Variants in CUL9 observed in about 807,000 individuals in gnomAD.
CUL9 encodes the protein cullin 9, also known as cullin-9.
CUL9 carries 79 observed loss-of-function variants against 272.6 expected under a neutral mutation model. The ratio of observed to expected loss-of-function variants is 0.29; its 90% CI spans 0.24 to 0.35. The LOEUF (loss-of-function observed/expected upper bound fraction) is 0.35. Among genes scored for constraint, CUL9 ranks in the 10% least tolerant of loss-of-function variants. The probability of loss-of-function intolerance (pLI) is 1.00; values close to 1 mark genes in which losing one functional copy is unlikely to be tolerated. For missense variants in CUL9, 2,532 were observed against 3,255.6 expected (o/e 0.78, Z 5.41); for synonymous variants, 1,186 against 1,286.5 (o/e 0.92, Z 1.67).
rs1772733361 is a variant in CUL9, at chr6:43,184,473, G to T, written c.163G>T (p.Val55Leu). The change falls in exon 2 of 41, where the codon GTG becomes TTG. Residue 55 changes from valine (V) to leucine (L), a missense_variant. This residue lies in a region of CUL9 where 2,218 missense variants were observed against 2,788.6 expected (regional missense o/e 0.80). Coordinates refer to ENST00000252050, the MANE Select transcript of CUL9 (RefSeq NM_015089.4). This position sits in a 1 kb window ranked among gnomAD's most constrained non-coding sequence, Gnocchi z 4.8. Reference sequence around the variant, plus strand: ...GTGTGGGGAAGTGGGCAAAGTGGGTGTGGAAGAAGGCAAAGCAGAGCACAT... The same window carrying T: ...GTGTGGGGAAGTGGGCAAAGTGGGTTTGGAAGAAGGCAAAGCAGAGCACAT... ...LKCGEVGKVG[V>L]EEGKAEHILM... The T allele has an allele frequency of 2.5e-6, 4 of 1,613,658 alleles. No homozygotes were observed. The highest frequency in any genetic ancestry group is 3.4e-6 in the Non-Finnish European group (4 of 1,179,852).
Position 43,185,551 on chromosome 6 carries a change from G to A in CUL9, c.691G>A (p.Ala231Thr), listed in dbSNP as rs758517410. Residue 231 changes from alanine (A) to threonine (T), a missense_variant, in exon 3 of 41, where the codon GCA becomes ACA. Transcript: ENST00000252050. Reference sequence around the variant, plus strand: ...TCGCTATACATTGCTGGAGCTGTTTGCAGAAACCACATCCTCTGAAGAACA... The same window carrying A: ...TCGCTATACATTGCTGGAGCTGTTTACAGAAACCACATCCTCTGAAGAACA... The part of the protein sequence containing the change: ...DSRYTLLELF[A>T]ETTSSEEHCM... 6.2e-7 allele frequency: 1 copy of A among 1,613,880 alleles called. No homozygotes were observed. The highest frequency in any genetic ancestry group is 1.1e-5 in the South Asian group (1 of 91,088).
At chr6:43,202,958 T>A in intron 17 of CUL9, 137 bp downstream of exon 17, 1 of 1,187,836 alleles carries the variant, frequency 8.4e-7, no homozygotes, top group Non-Finnish European at 1.2e-6. Flanking sequence ...GCAGTGAGAG[T>A]GGGATTAGGG....
chr6:43,198,613 A>G lies in CUL9; in HGVS notation c.2808A>G (p.Leu936=), dbSNP rs889477308. Residue 936 remains leucine, a synonymous_variant, in exon 12 of 41, where the codon CTA becomes CTG. Transcript: ENST00000252050. ...CTCTGGTGTGTCTGGCTGCAGCACT[A>G]GAGACCCCCATCATCCAGGGTCAGG... ...EPPGSPERAA[L]ETPIIQGQDG... is the part of the protein sequence containing the mutation. 8 of 1,614,072 alleles carry G rather than the reference A, an allele frequency of 5.0e-6. No homozygotes were observed. In the Admixed American group the frequency reaches 6.7e-5, roughly 13 times the overall value.
chr6:43,197,191 C>T (rs988709930), intron 11 of CUL9, among the ~76,000 whole-genome samples: 3 of 151,020 alleles, frequency 2.0e-5, no homozygotes, highest in African/African-American at 4.9e-5. Context: ...GGATTATAGG[C>T]ACCTGCCACC....
chr6:43,204,744 A>G lies in CUL9; in HGVS notation c.4340-4A>G, dbSNP rs1418288557. On this transcript the variant is annotated splice_region_variant and splice_polypyrimidine_tract_variant and intron_variant, in intron 21 of 40. Coordinates refer to ENST00000252050, the MANE Select transcript of CUL9 (RefSeq NM_015089.4). ...ACCCCTTCCTTCTCCCTCTGTCTCT[A>G]CAGTCAGCAAGAACAGCAAGGGTCG... 4 of 1,613,780 alleles carry G rather than the reference A, an allele frequency of 2.5e-6. No individual in the cohort carries two copies. Among genetic ancestry groups the G allele is most frequent in the Non-Finnish European group, 2.5e-6 (3 of 1,179,852 alleles).
At position 43,205,100 on chromosome 6, in the gene CUL9, C is replaced by T. The variant is rs758427168; in HGVS notation, c.4617C>T (p.Phe1539=). The change falls in exon 23 of 41, where the codon TTC becomes TTT. Residue 1539 remains phenylalanine (F), a synonymous_variant. Transcript: ENST00000252050. ...CTGGCGCCTTGCTGCAGCAGTCCTT[C>T]CTCACTGCTGCTCACGTGAGTCCCA... ...GFSGALLQQS[F]LTAAHMSEQF... is the part of the protein sequence containing the mutation. 1.3e-6 allele frequency: 2 copies of T among 1,593,268 alleles called. No individual in the cohort carries two copies. The highest frequency in any genetic ancestry group is 4.5e-5 in the East Asian group (2 of 44,610).
At chr6:43,191,481 A>ATTTTTTTTTTTTTTTTTTTTTTTTTTT (rs34090146) in intron 8 of CUL9, among the ~76,000 whole-genome samples, 15 of 97,446 alleles carry the variant, frequency 1.5e-4, no homozygotes, top group South Asian at 3.0e-4. Flanking sequence ...CACCCAGCTA[A>ATTTTTTTTTTTTTTTTTTTTTTTTTTT]TTTTTTTTTT....
chr6:43,184,204 G>T lies in CUL9; in HGVS notation c.-9-98G>T. 3 of 918,074 alleles carry T rather than the reference G, an allele frequency of 3.3e-6. No homozygotes were observed. The South Asian group carries it at 8.3e-5, about 25-fold the overall frequency. The allele number at this position is 918,074 out of a possible 1,614,324, so 56.9% of individuals were successfully genotyped here. ...CCTAAATTCTACCATGCAGCCTACC[G>T]ATCACCACCCACCTTCTCTGTGTCT... On this transcript the variant is annotated intron_variant, in intron 1 of 40. Transcript: ENST00000252050. This position sits in a 1 kb window ranked among gnomAD's most constrained non-coding sequence, Gnocchi z 4.8.
Position 43,218,609 on chromosome 6 carries a change from G to A in CUL9, c.6283-1850G>A, listed in dbSNP as rs1282835872. 1.3e-5 allele frequency among the ~76,000 whole-genome samples: 2 copies of A among 152,234 alleles called. No homozygotes were observed. The highest frequency in any genetic ancestry group is 2.9e-5 in the Non-Finnish European group (2 of 68,040). ...CAGGAAGGCCCATTTGGTGACTGTTGTACGAGAGACAAGAGATGGTGGTAG... is the reference window on the plus strand; with the variant it reads ...CAGGAAGGCCCATTTGGTGACTGTTATACGAGAGACAAGAGATGGTGGTAG... On this transcript the variant is annotated intron_variant, in intron 31 of 40. Transcript: ENST00000252050. The surrounding 1 kb of genome is among the most constrained non-coding windows in gnomAD (Gnocchi z 4.4).
chr6:43,223,632 A>G lies in CUL9; in HGVS notation c.7284+235A>G. 1 of 581,860 alleles carries G rather than the reference A, an allele frequency of 1.7e-6. No homozygotes were observed. The highest frequency in any genetic ancestry group is 3.0e-6 in the Non-Finnish European group (1 of 332,118). 36.0% of individuals were successfully genotyped at this position (581,860 alleles called of 1,614,324 possible). A position where few individuals can be genotyped will look rare whatever the true frequency, so the allele number is the denominator to read the frequency against. ...AAAATAAAGGGGTTGGCTAGCCCACATCAAGGGTATTTGGTCAGGTGCCTA... is the reference window on the plus strand; with the variant it reads ...AAAATAAAGGGGTTGGCTAGCCCACGTCAAGGGTATTTGGTCAGGTGCCTA... On this transcript the variant is annotated intron_variant, in intron 39 of 40. Coordinates refer to ENST00000252050, the MANE Select transcript of CUL9 (RefSeq NM_015089.4). This position sits in a 1 kb window ranked among gnomAD's most constrained non-coding sequence, Gnocchi z 4.1.
At chr6:43,185,248 C>T (rs1484339765) in intron 2 of CUL9, among the ~76,000 whole-genome samples, 3 of 152,106 alleles carry the variant, frequency 2.0e-5, no homozygotes, top group Admixed American at 2.0e-4. Flanking sequence ...GTGTGTAGCA[C>T]TTAGTAGGGG....
Position 43,221,866 on chromosome 6 carries a change from T to C in CUL9, c.6846+88T>C. The stretch of plus-strand genomic sequence containing the variant: ...CAGGTCCTGGGCAGACAGGGCTCCT[T>C]GTGCAGTGCAGCATTCTAGCTGTTG... On this transcript the variant is annotated intron_variant, in intron 35 of 40. Coordinates refer to ENST00000252050, the MANE Select transcript of CUL9 (RefSeq NM_015089.4). The surrounding 1 kb of genome is among the most constrained non-coding windows in gnomAD (Gnocchi z 4.2). 5 of 1,136,968 alleles carry C rather than the reference T, an allele frequency of 4.4e-6. No individual in the cohort carries two copies. The highest frequency in any genetic ancestry group is 5.1e-6 in the Non-Finnish European group (4 of 781,428). The allele number at this position is 1,136,968 out of a possible 1,614,324, so 70.4% of individuals were successfully genotyped here.
chr6:43,221,644 CCCAGAGGCAGGAGTCCCTGA>C lies in CUL9; in HGVS notation c.6753-36_6753-17del. 1 of 1,581,620 alleles carries C rather than the reference CCCAGAGGCAGGAGTCCCTGA, an allele frequency of 6.3e-7. No homozygotes were observed. Among genetic ancestry groups the C allele is most frequent in the East Asian group, 2.2e-5 (1 of 44,702 alleles). On this transcript the variant is annotated intron_variant, in intron 34 of 40. Transcript: ENST00000252050. This position sits in a 1 kb window ranked among gnomAD's most constrained non-coding sequence, Gnocchi z 4.2. ...CCTTGGCATTCCTGGCACACCCCTGCCCAGAGGCAGGAGTCCCTGACCAGCCAGCTTCCTCCATAGCATGA... is the reference window on the plus strand; with the variant it reads ...CCTTGGCATTCCTGGCACACCCCTGCCCAGCCAGCTTCCTCCATAGCATGA...
At position 43,223,095 on chromosome 6, in the gene CUL9, T is replaced by C; in HGVS notation, c.7151-169T>C. On this transcript the variant is annotated intron_variant, in intron 38 of 40. Transcript: ENST00000252050. This position sits in a 1 kb window ranked among gnomAD's most constrained non-coding sequence, Gnocchi z 4.1. ...TGTAAGGTGCCCAAGGGCGCAGATG[T>C]TCGTGGATGTTTCTTGGTTTCTGGT... is the stretch of plus-strand genomic sequence containing the variant. The C allele has an allele frequency of 9.5e-7, 1 of 1,052,900 alleles. No individual in the cohort carries two copies. The allele number at this position is 1,052,900 out of a possible 1,614,324, so 65.2% of individuals were successfully genotyped here.
In CUL9 at chr6:43,218,591, GC is replaced by G. The variant is rs1562060415; in HGVS notation, c.6283-1865del. Reference sequence around the variant, plus strand: ...AGGGAGCAAGAGTGGAAGCAGGAAGGCCCATTTGGTGACTGTTGTACGAGAG... The same window carrying G: ...AGGGAGCAAGAGTGGAAGCAGGAAGGCCATTTGGTGACTGTTGTACGAGAG... On this transcript the variant is annotated intron_variant, in intron 31 of 40. Transcript: ENST00000252050. The surrounding 1 kb of genome is among the most constrained non-coding windows in gnomAD (Gnocchi z 4.4). 6.6e-6 allele frequency among the ~76,000 whole-genome samples: 1 copy of G among 152,218 alleles called. No individual in the cohort carries two copies. Among genetic ancestry groups the G allele is most frequent in the Non-Finnish European group, 1.5e-5 (1 of 68,040 alleles).
At chr6:43,188,214 A>G (rs544890576) in intron 7 of CUL9, 96 bp downstream of exon 7, 2 of 1,452,344 alleles carry the variant, frequency 1.4e-6, no homozygotes, top group African/African-American at 1.4e-5. Context: ...CCATGGAGGA[A>G]GGTGATTTTT....
intron 8 of CUL9, among the ~76,000 whole-genome samples, chr6:43,192,219 G>A (rs1773591080): frequency 6.6e-6 from 1 of 151,686 alleles, no homozygotes; most frequent in South Asian, 2.1e-4. Context: ...AGGTCACTAT[G>A]CCAGATAATT....
intron 26 of CUL9, among the ~76,000 whole-genome samples, chr6:43,208,658 G>C (rs1775225106): frequency 6.6e-6 from 1 of 152,064 alleles, no homozygotes; most frequent in Non-Finnish European, 1.5e-5. Context: ...GTTTTTCTCT[G>C]GTATTAATAG....
intron 31 of CUL9, 76 bp downstream of exon 31, chr6:43,216,579 TTC>T: frequency 7.3e-7 from 1 of 1,374,592 alleles, no homozygotes. Context: ...AATTCTTGGG[TTC>T]TAGCCCAGCA....
Sources: gnomAD v4.1 joint callset for allele counts (sites outside exome capture counted in the v4.1 genomes callset) on GRCh38, gnomAD v4.1.1 for gene constraint, gnomAD v4.1.1 regional missense constraint, Gnocchi (gnomAD v3.1) non-coding constraint, MANE v1.5 for transcripts, NCBI Gene and HGNC (gene_info 2026-07-23, HGNC 2026-07-21) for gene names.